The following MIR17HG variants were observed in gnomAD, a reference collection of about 807,000 sequenced individuals.
MIR17HG encodes the protein miR-17-92a-1 cluster host gene.
chr13:91,352,665 A>G (rs977941885), intron 3 of MIR17HG, among the ~76,000 whole-genome samples: 15 of 152,252 alleles, frequency 9.9e-5, no homozygotes, highest in African/African-American at 3.1e-4. Context: ...TGATGAAAAC[A>G]TAAATTTTCA....
At chr13:91,348,546 G>A (rs1295524134) in intron 1 of MIR17HG, among the ~76,000 whole-genome samples, 1 of 151,352 alleles carries the variant, frequency 6.6e-6, no homozygotes, top group African/African-American at 2.4e-5. Context: ...GCGAGGGTGG[G>A]CGGAGGGGCG....
chr13:91,350,912 A>G (rs1162564162), intron 3 of MIR17HG: 3 of 534,674 alleles, frequency 5.6e-6, no homozygotes, highest in Admixed American at 1.9e-5. Flanking sequence ...TTAGTTTTGC[A>G]TAGTTGCACT....
chr13:91,350,299 GT>G (rs756592025), intron 3 of MIR17HG: 1 of 200,882 alleles, frequency 5.0e-6, no homozygotes, highest in Non-Finnish European at 1.0e-5. Context: ...ATTTTGTTTT[GT>G]TTTTTTTCTC....
intron 1 of MIR17HG, among the ~76,000 whole-genome samples, chr13:91,349,053 C>A (rs1488198196): frequency 1.3e-5 from 2 of 151,688 alleles, no homozygotes; most frequent in Non-Finnish European, 2.9e-5. Context: ...TCCGGCGGGG[C>A]CTGACTCTGA....
chr13:91,351,267 A>G, intron 3 of MIR17HG: 1 of 530,006 alleles, frequency 1.9e-6, no homozygotes, highest in Non-Finnish European at 3.9e-6. Flanking sequence ...TGCAAAACTG[A>G]CTGTGGTAGT....
chr13:91,347,808 G>C (rs1257770555), upstream of MIR17HG: 1 of 151,382 alleles, frequency 6.6e-6, no homozygotes, highest in Non-Finnish European at 1.5e-5. Flanking sequence ...GCCGGGGCTC[G>C]CGCTCCTCCG....
intron 1 of MIR17HG, among the ~76,000 whole-genome samples, chr13:91,349,179 TC>T (rs1219080791): frequency 6.6e-6 from 1 of 152,082 alleles, no homozygotes; most frequent in Non-Finnish European, 1.5e-5. Flanking sequence ...TCTCGGGTGT[TC>T]CTGCCCGGTC....
rs758563737 is a variant in MIR17HG at position 91,351,290 on chromosome 13, G to GA, written n.284+1068dup. ...TGACTGTGGTAGTGAAAAGTCTGTAGAAAAGTAAGGGAAACTCAAACCCCT... is the reference window on the plus strand; with the variant it reads ...TGACTGTGGTAGTGAAAAGTCTGTAGAAAAAGTAAGGGAAACTCAAACCCCT... On this transcript the variant is annotated intron_variant and non_coding_transcript_variant, in intron 3 of 3. Transcript: ENST00000400282. 1.5e-5 allele frequency: 8 copies of GA among 531,600 alleles called. No individual in the cohort carries two copies. In the East Asian group the frequency reaches 3.8e-4, roughly 25 times the overall value. 32.9% of individuals were successfully genotyped at this position (531,600 alleles called of 1,614,324 possible).
intron 3 of MIR17HG, chr13:91,351,055 G>A: frequency 1.9e-6 from 1 of 525,590 alleles, no homozygotes; most frequent in Non-Finnish European, 4.0e-6. Context: ...TATCTGATGT[G>A]ACAGCTTCTG....
chr13:91,353,013 G>A (rs371274970), intron 3 of MIR17HG, among the ~76,000 whole-genome samples: 2 of 151,058 alleles, frequency 1.3e-5, no homozygotes, highest in Non-Finnish European at 1.5e-5. Context: ...TGGAGGCTGA[G>A]GCAGGAGAAT....
chr13:91,348,295 G>C (rs1260002881), intron 1 of MIR17HG, among the ~76,000 whole-genome samples: 2 of 150,582 alleles, frequency 1.3e-5, no homozygotes. Flanking sequence ...TGGCCCCTCG[G>C]GGAGAGGACG....
intron 3 of MIR17HG, chr13:91,350,514 G>GTTA: frequency 1.9e-6 from 1 of 522,822 alleles, no homozygotes; most frequent in South Asian, 1.4e-5. Flanking sequence ...GTTTATAGTT[G>GTTA]TTAGAGTTTG....
chr13:91,349,702 A>G (rs1455106312), exon 2 of MIR17HG: 1 of 152,200 alleles, frequency 6.6e-6, no homozygotes. Flanking sequence ...TTCCAGTCAT[A>G]CACGTGGACC....
At chr13:91,347,828 C>T (rs1269459892) in exon 1 of MIR17HG, 1 of 151,298 alleles carries the variant, frequency 6.6e-6, no homozygotes, top group Non-Finnish European at 1.5e-5. Flanking sequence ...GCGAAGCTCT[C>T]CTCGCGGGGC....
intron 3 of MIR17HG, chr13:91,350,708 G>T (rs917986882): frequency 1.3e-5 from 7 of 533,886 alleles, no homozygotes; most frequent in Non-Finnish European, 1.2e-5. Flanking sequence ...GGGAAGCCAA[G>T]TTGGGCTTTA....
At chr13:91,350,152 C>A (rs568659653) in intron 2 of MIR17HG, 1 of 171,830 alleles carries the variant, frequency 5.8e-6, no homozygotes, top group Non-Finnish European at 1.3e-5. Flanking sequence ...ATCATTTCAA[C>A]AAGTATTTGC....
rs554398221 is a variant in MIR17HG at position 91,350,642 on chromosome 13, G to A, written n.284+416G>A. On this transcript the variant is annotated intron_variant and non_coding_transcript_variant, in intron 3 of 3. Transcript: ENST00000400282. The stretch of plus-strand genomic sequence containing the variant: ...TCAAAGTGCTTACAGTGCAGGTAGT[G>A]ATATGTGCATCTACTGCAGTGAAGG... The A allele has an allele frequency of 1.1e-5, 6 of 534,710 alleles. No individual in the cohort carries two copies. The African/African-American group carries it at 1.2e-4, about 10-fold the overall frequency. The allele number at this position is 534,710 out of a possible 1,614,324, so 33.1% of individuals were successfully genotyped here.
intron 3 of MIR17HG, chr13:91,350,403 G>A (rs1358886321): frequency 5.9e-6 from 2 of 337,122 alleles, no homozygotes; most frequent in South Asian, 2.4e-5. Context: ...CTTCTGTAAA[G>A]AATTCTTAAG....
At chr13:91,350,414 G>C (rs927604664) in intron 3 of MIR17HG, 7 of 348,176 alleles carry the variant, frequency 2.0e-5, no homozygotes, top group African/African-American at 1.3e-4. Context: ...AATTCTTAAG[G>C]CATAAATACG....
Sources: gnomAD v4.1 joint callset for allele counts (sites outside exome capture counted in the v4.1 genomes callset) on GRCh38, gnomAD v4.1.1 for gene constraint, MANE v1.5 for transcripts, NCBI Gene and HGNC (gene_info 2026-07-23, HGNC 2026-07-21) for gene names.